The following ADAMTS17 variants were observed in gnomAD, a reference collection of about 807,000 sequenced individuals.
ADAMTS17 encodes ADAM metallopeptidase with thrombospondin type 1 motif 17, also known as A disintegrin and metalloproteinase with thrombospondin motifs 17.
A neutral mutation model predicts 141.5 loss-of-function variants in ADAMTS17; 113 were observed. The ratio of observed to expected loss-of-function variants is 0.80; its 90% confidence interval spans 0.69 to 0.93. The LOEUF is 0.93. Among genes scored for constraint, ADAMTS17 ranks in the 40% least tolerant of loss-of-function variants. ADAMTS17 has a pLI of 0.00. For missense variants in ADAMTS17, 1,659 were observed against 1,517.9 expected (o/e 1.09, Z -1.54); for synonymous variants, 768 against 630.6 (o/e 1.22, Z -3.27).
chr15:100,261,130 G>A (rs1350983425), intron 6 of ADAMTS17, among the ~76,000 whole-genome samples: 1 of 152,192 alleles, frequency 6.6e-6, no homozygotes, highest in East Asian at 1.9e-4. Flanking sequence ...GGTCACTGCA[G>A]GTAGAATCAA....
chr15:100,071,530 G>A (rs1369333777), intron 15 of ADAMTS17, among the ~76,000 whole-genome samples: 6 of 149,790 alleles, frequency 4.0e-5, no homozygotes, highest in Admixed American at 6.7e-5. Flanking sequence ...AGCACATCAA[G>A]AAGCTTACCC....
intron 8 of ADAMTS17, among the ~76,000 whole-genome samples, chr15:100,176,621 T>G (rs1197122378): frequency 6.6e-6 from 1 of 152,202 alleles, no homozygotes; most frequent in Non-Finnish European, 1.5e-5. Flanking sequence ...CCACAAAACT[T>G]GTTCTGATTA....
At chr15:100,304,014 G>C (rs373117340) in intron 3 of ADAMTS17, among the ~76,000 whole-genome samples, 1 of 152,204 alleles carries the variant, frequency 6.6e-6, no homozygotes, top group East Asian at 1.9e-4. Context: ...ATGAGCCGCC[G>C]CACCCGGCCT....
chr15:100,287,398 A>C (rs1437899027), intron 3 of ADAMTS17, among the ~76,000 whole-genome samples: 1 of 152,224 alleles, frequency 6.6e-6, no homozygotes, highest in Non-Finnish European at 1.5e-5. Flanking sequence ...AAAGAGACCA[A>C]ATCGATCAGC....
chr15:100,184,262 A>AAGACTGTGGAAAGCTCC (rs71852281), intron 8 of ADAMTS17, among the ~76,000 whole-genome samples: 1 of 150,872 alleles, frequency 6.6e-6, no homozygotes, highest in Non-Finnish European at 1.5e-5. Flanking sequence ...TTTTATGTCT[A>AAGACTGTGGAAAGCTCC]AGACTGTGGA....
chr15:100,310,510 T>C (rs565148106), intron 3 of ADAMTS17, among the ~76,000 whole-genome samples: 2 of 152,326 alleles, frequency 1.3e-5, no homozygotes, highest in East Asian at 3.9e-4. Context: ...TCTCTTCGCT[T>C]ACAGAGAAGA....
chr15:100,145,363 A>C (rs533683201), intron 10 of ADAMTS17, among the ~76,000 whole-genome samples: 23 of 152,046 alleles, frequency 1.5e-4, no homozygotes, highest in Non-Finnish European at 2.6e-4. Flanking sequence ...CACCCCTAAA[A>C]CTCCTGACTA....
intron 3 of ADAMTS17, among the ~76,000 whole-genome samples, chr15:100,302,524 A>G (rs2045075598): frequency 6.6e-6 from 1 of 152,220 alleles, no homozygotes; most frequent in Non-Finnish European, 1.5e-5. Context: ...CATTCTCAAC[A>G]GCAGTCTATG....
chr15:100,221,175 G>A (rs2042122489), intron 7 of ADAMTS17, among the ~76,000 whole-genome samples: 1 of 151,870 alleles, frequency 6.6e-6, no homozygotes, highest in South Asian at 2.1e-4. Context: ...CCTACAAGAT[G>A]CTCACAAATC....
chr15:100,161,470 A>C (rs58592256), intron 8 of ADAMTS17, among the ~76,000 whole-genome samples: 3,102 of 152,294 alleles, frequency 0.02, 163 homozygotes, highest in East Asian at 0.19. Context: ...CAGCCTCTCC[A>C]TGGAAGGCTG....
chr15:100,004,710 T>C (rs973710949), intron 18 of ADAMTS17, among the ~76,000 whole-genome samples: 2 of 144,572 alleles, frequency 1.4e-5, no homozygotes, highest in Non-Finnish European at 3.0e-5. Context: ...AGCCTCCACC[T>C]CCCGAGTTCA....
chr15:100,232,076 C>T (rs552560173), intron 7 of ADAMTS17, among the ~76,000 whole-genome samples: 1 of 152,280 alleles, frequency 6.6e-6, no homozygotes, highest in East Asian at 1.9e-4. Context: ...AGTGTCAAGA[C>T]CTGTTTTCCC....
At chr15:100,039,147 C>A (rs961794229) in intron 18 of ADAMTS17, among the ~76,000 whole-genome samples, 3 of 152,166 alleles carry the variant, frequency 2.0e-5, no homozygotes, top group African/African-American at 7.2e-5. Flanking sequence ...TTATTCTTGG[C>A]CAATCTAGCT....
chr15:100,209,383 T>A (rs2041713465), intron 7 of ADAMTS17, among the ~76,000 whole-genome samples: 1 of 152,084 alleles, frequency 6.6e-6, no homozygotes, highest in Admixed American at 6.5e-5. Flanking sequence ...GCTCCTGAGT[T>A]CAAGTCCATA....
intron 15 of ADAMTS17, among the ~76,000 whole-genome samples, chr15:100,085,736 C>T (rs905354220): frequency 6.7e-6 from 1 of 149,828 alleles, no homozygotes; most frequent in East Asian, 2.0e-4. Context: ...ATTTCATATC[C>T]AGCCAAACTA....
chr15:100,278,600 C>G (rs1245321300), intron 4 of ADAMTS17, among the ~76,000 whole-genome samples: 1 of 152,156 alleles, frequency 6.6e-6, no homozygotes, highest in Non-Finnish European at 1.5e-5. Context: ...GAAGCAGCCT[C>G]CCTTCAGAGC....
At position 100,213,845 on chromosome 15, in the gene ADAMTS17, C is replaced by T. The variant is rs183479198; in HGVS notation, c.1076-14422G>A. On this transcript the variant is annotated intron_variant, in intron 7 of 21. Coordinates refer to ENST00000268070, the MANE Select transcript of ADAMTS17 (RefSeq NM_139057.4). ...CGCACTACCAGTAGAGAAGGGCCAT[C>T]TGGCCCCGTCCCAGCCGGGACCCCT... Among the ~76,000 whole-genome samples the T allele has an allele frequency of 9.2e-5, 14 of 152,356 alleles. 1 individual carries two copies. The highest frequency in any genetic ancestry group is 6.5e-4 in the Admixed American group (10 of 15,310).
rs376420999 is a variant in ADAMTS17 at position 100,281,294 on chromosome 15, C to A, written c.724G>T (p.Ala242Ser). 42 of 1,608,818 alleles carry A rather than the reference C, an allele frequency of 2.6e-5. No homozygotes were observed. The highest frequency in any genetic ancestry group is 3.4e-5 in the Non-Finnish European group (40 of 1,179,990). ...HTVETLVVAD[A>S]DMVQYHGAEA... ...GCCCCGTGGTACTGCACCATGTCGG[C>A]GTCGGCCACCACCAGGGTCTCCACC... Residue 242 changes from alanine (A) to serine (S), a missense_variant, in exon 4 of 22, where the codon GCC (alanine) becomes TCC (serine). Ala to Ser is a moderately conservative substitution (Grantham distance 99). Transcript: ENST00000268070.
intron 5 of ADAMTS17, 43 bp downstream of exon 5, chr15:100,262,309 G>A (rs767248985): frequency 1.3e-6 from 2 of 1,573,250 alleles, no homozygotes; most frequent in Admixed American, 3.3e-5. Context: ...CTCCAGCCCA[G>A]CCACATTTTC....
Sources: gnomAD v4.1 joint callset for allele counts (sites outside exome capture counted in the v4.1 genomes callset) on GRCh38, gnomAD v4.1.1 for gene constraint, MANE v1.5 for transcripts, NCBI Gene and HGNC (gene_info 2026-07-23, HGNC 2026-07-21) for gene names.